TDRD3: variants seen among roughly 807,000 people sequenced by gnomAD.
The protein encoded by TDRD3 is tudor domain containing 3.
Under a neutral mutation model 86.7 loss-of-function variants are expected in TDRD3, and 45 were observed. The ratio of observed to expected loss-of-function variants is 0.52; its 90% CI spans 0.41 to 0.67. The LOEUF (loss-of-function observed/expected upper bound fraction) is 0.67. Among genes scored for constraint, TDRD3 ranks in the 30% least tolerant of loss-of-function variants. The pLI, the probability that TDRD3 is intolerant of heterozygous loss-of-function variation, is 0.00. For synonymous variants in TDRD3, 298 were observed against 301.7 expected (o/e 0.99, Z 0.13); for missense variants, 814 against 889.0 (o/e 0.92, Z 1.07).
chr13:60,495,526 C>T, intron 8 of TDRD3, among the ~76,000 whole-genome samples: 1 of 151,562 alleles, frequency 6.6e-6, no homozygotes, highest in African/African-American at 2.4e-5. Context: ...TGCAATGGCT[C>T]AATCTTGGCT....
intron 9 of TDRD3, 126 bp downstream of exon 9, chr13:60,510,045 A>G: frequency 8.9e-7 from 1 of 1,127,606 alleles, no homozygotes; most frequent in Non-Finnish European, 1.2e-6. Flanking sequence ...AGTGGAAGGA[A>G]CACCAGTTTG....
rs189626971 is a variant in TDRD3 at position 60,556,752 on chromosome 13, G to A, written c.2119-10773G>A. 4.6e-5 allele frequency among the ~76,000 whole-genome samples: 7 copies of A among 152,234 alleles called. No individual in the cohort carries two copies. In the East Asian group the frequency reaches 9.6e-4, roughly 21 times the overall value. On this transcript the variant is annotated intron_variant, in intron 12 of 13. Transcript: ENST00000377881. ...CTAGGTTATGCAGAATGGTAACTACGAAAATGTATAAAGGAAAAGATGATC... is the reference window on the plus strand; with the variant it reads ...CTAGGTTATGCAGAATGGTAACTACAAAAATGTATAAAGGAAAAGATGATC...
chr13:60,402,760 C>T (rs1203650822), intron 1 of TDRD3, among the ~76,000 whole-genome samples: 2 of 140,698 alleles, frequency 1.4e-5, no homozygotes, highest in East Asian at 2.1e-4. Flanking sequence ...TGCAATGGCG[C>T]GATCTTGGTT....
At position 60,467,276 on chromosome 13, in the gene TDRD3, G is replaced by T. The variant is rs761306045; in HGVS notation, c.392G>T (p.Gly131Val). 3 of 1,613,732 alleles carry T rather than the reference G, an allele frequency of 1.9e-6. No individual in the cohort carries two copies. The highest frequency in any genetic ancestry group is 2.5e-6 in the Non-Finnish European group (3 of 1,179,846). Residue 131 changes from glycine (G) to valine (V), a missense_variant, in exon 5 of 14, where the codon GGC (glycine) becomes GTC (valine). By Grantham distance (109) the Gly-to-Val change is moderately radical. Coordinates refer to ENST00000377881, the MANE Select transcript of TDRD3 (RefSeq NM_001146070.2). ...CCTGGAACTAAAGTTAAGCTCTCAG[G>T]CATTGTTGACATAAAAAATGGATTC... Reference protein sequence around the residue: ...TPPGTKVKLSGIVDIKNGFLL... With the variant: ...TPPGTKVKLSVIVDIKNGFLL...
Position 60,483,845 on chromosome 13 carries a change from A to G in TDRD3, c.566A>G (p.Gln189Arg). 6.2e-7 allele frequency: 1 copy of G among 1,612,276 alleles called. No homozygotes were observed. Among genetic ancestry groups the G allele is most frequent in the Non-Finnish European group, 8.5e-7 (1 of 1,179,134 alleles). The change falls in exon 6 of 14, where the codon CAG becomes CGG. Residue 189 changes from glutamine (Q) to arginine (R), a missense_variant and splice_region_variant. Gln to Arg is a conservative substitution (Grantham distance 43). Transcript: ENST00000377881. The part of the protein sequence containing the change: ...GGPPPFVPFG[Q>R]KCVSHVQVDS... ...CCACCGCCTTTTGTGCCTTTTGGAC[A>G]GGTAATGACTTTTGTGTTGGCAGAT...
intron 12 of TDRD3, among the ~76,000 whole-genome samples, chr13:60,564,688 A>AT (rs1566309736): frequency 6.6e-6 from 1 of 152,158 alleles, no homozygotes; most frequent in Non-Finnish European, 1.5e-5. Context: ...GTAGTGTCAG[A>AT]TTTTTTAAAA....
chr13:60,510,550 T>A, intron 9 of TDRD3, 80 bp from the exon 10 acceptor site: 1 of 1,262,050 alleles, frequency 7.9e-7, no homozygotes. Flanking sequence ...TATTTAAAAT[T>A]ATTGTTGGTT....
intron 4 of TDRD3, among the ~76,000 whole-genome samples, chr13:60,462,582 G>A (rs372560276): frequency 2.6e-5 from 4 of 152,046 alleles, no homozygotes; most frequent in African/African-American, 4.8e-5. Flanking sequence ...GTGCTAATAC[G>A]GATGTGTTAC....
At chr13:60,564,817 A>G (rs1301601167) in intron 12 of TDRD3, among the ~76,000 whole-genome samples, 1 of 152,252 alleles carries the variant, frequency 6.6e-6, no homozygotes, top group African/African-American at 2.4e-5. Context: ...TTTCATTCAA[A>G]GATGACTGAA....
At chr13:60,502,736 A>G (rs1253531345) in intron 8 of TDRD3, among the ~76,000 whole-genome samples, 1 of 152,154 alleles carries the variant, frequency 6.6e-6, no homozygotes, top group Non-Finnish European at 1.5e-5. Context: ...GGAACCTTGT[A>G]CAGGATTATA....
At chr13:60,520,519 G>A (rs1277096971) in intron 10 of TDRD3, among the ~76,000 whole-genome samples, 1 of 152,008 alleles carries the variant, frequency 6.6e-6, no homozygotes, top group African/African-American at 2.4e-5. Flanking sequence ...CTCCACAGAC[G>A]TTTTCCCTCT....
chr13:60,524,624 A>G (rs1344307104), intron 10 of TDRD3, among the ~76,000 whole-genome samples: 4 of 152,184 alleles, frequency 2.6e-5, no homozygotes, highest in Non-Finnish European at 5.9e-5. Context: ...CAGTTTCAAA[A>G]TACTTACTTT....
chr13:60,446,877 A>G (rs1034402882), intron 3 of TDRD3, among the ~76,000 whole-genome samples: 10 of 152,176 alleles, frequency 6.6e-5, no homozygotes, highest in Non-Finnish European at 1.5e-4. Context: ...ATTAATGATG[A>G]CTATAAATGC....
intron 6 of TDRD3, among the ~76,000 whole-genome samples, chr13:60,485,426 G>A (rs1956410663): frequency 6.6e-6 from 1 of 151,874 alleles, no homozygotes; most frequent in Admixed American, 6.6e-5. Flanking sequence ...GTATAATATG[G>A]AAATTAAGCT....
intron 12 of TDRD3, chr13:60,536,239 G>C (rs1957695271): frequency 6.6e-6 from 1 of 151,866 alleles, no homozygotes; most frequent in Non-Finnish European, 1.5e-5. Context: ...TTGGGCCATG[G>C]ATCTTTATTT....
intron 1 of TDRD3, among the ~76,000 whole-genome samples, chr13:60,433,245 CTT>C (rs1255904165): frequency 6.6e-6 from 1 of 152,158 alleles, no homozygotes; most frequent in African/African-American, 2.4e-5. Flanking sequence ...GAGAATAAAA[CTT>C]TAATGTTTGC....
rs982614972 is a variant in TDRD3, at chr13:60,561,850, T to G, written c.2119-5675T>G. Among the ~76,000 whole-genome samples, 8 of 150,308 alleles carry G rather than the reference T, an allele frequency of 5.3e-5. No individual in the cohort carries two copies. The East Asian group carries it at 5.8e-4, about 11-fold the overall frequency. ...TATAATCTGTGGTTCCAGGCTACTA[T>G]GGGCCCAGGTTTTTTGTTGTTGTTG... On this transcript the variant is annotated intron_variant, in intron 12 of 13. Coordinates refer to ENST00000377881, the MANE Select transcript of TDRD3 (RefSeq NM_001146070.2).
upstream of TDRD3, chr13:60,396,714 G>C (rs1488788087): frequency 3.3e-5 from 5 of 152,446 alleles, no homozygotes; most frequent in East Asian, 9.6e-4. Context: ...CGATCTGCCC[G>C]CGGGGACTCA....
intron 3 of TDRD3, among the ~76,000 whole-genome samples, chr13:60,455,606 C>G (rs971664674): frequency 5.9e-5 from 9 of 152,126 alleles, no homozygotes; most frequent in African/African-American, 2.2e-4. Flanking sequence ...TTCATTTTCT[C>G]TTAATTTTAA....
Sources: allele counts gnomAD v4.1 joint callset (sites outside exome capture counted in the v4.1 genomes callset), GRCh38; gene constraint gnomAD v4.1.1; transcripts MANE v1.5; gene names NCBI Gene and HGNC (gene_info 2026-07-23, HGNC 2026-07-21).